APOB: variants seen among roughly 807,000 people sequenced by gnomAD.
APOB encodes the protein apolipoprotein B.
A neutral mutation model predicts 314.1 loss-of-function variants in APOB; 153 were observed. The observed-to-expected ratio is 0.49, with a 90% CI of 0.43 to 0.56. APOB has a LOEUF of 0.56. Ranked by LOEUF, APOB falls within the 20% of genes least tolerant of loss-of-function variation. APOB has a pLI of 0.00. For missense variants in APOB, 5,430 were observed against 5,350.7 expected, an observed-to-expected ratio of 1.01 and a Z score of -0.46; for synonymous variants, 2,087 against 2,036.4, an observed-to-expected ratio of 1.02 and a Z score of -0.67.
In APOB at chr2:21,011,140, G is replaced by A; in HGVS notation, c.5728C>T (p.His1910Tyr). The A allele has an allele frequency of 6.2e-7, 1 of 1,614,192 alleles. No homozygotes were observed. The highest frequency in any genetic ancestry group is 1.1e-5 in the South Asian group (1 of 91,088). Residue 1910 changes from histidine (H) to tyrosine (Y), a missense_variant, in exon 26 of 29, where the codon CAT becomes TAT. This residue lies in a region of APOB where 3,281 missense variants were observed against 3,171.0 expected (regional missense o/e 1.03). Transcript: ENST00000233242. ...MAPFTMTIDA[H>Y]TNGNGKLALW... ...GCGAGTTTCCCATTGCCATTTGTAT[G>A]TGCATCGATGGTCATGGTAAACGGG...
At chr2:21,020,323 C>T (rs1055900925) in intron 18 of APOB, among the ~76,000 whole-genome samples, 22 of 152,284 alleles carry the variant, frequency 1.4e-4, no homozygotes, top group East Asian at 3.9e-4. Flanking sequence ...GCATTAAGCA[C>T]GCTCAAGTCT....
rs767778053 is a variant in APOB at position 21,024,913 on chromosome 2, AGTG to A, written c.2436+17_2436+19del. 3.1e-6 allele frequency: 5 copies of A among 1,613,388 alleles called. No homozygotes were observed. The South Asian group carries it at 4.4e-5, about 14-fold the overall frequency. On this transcript the variant is annotated intron_variant, in intron 16 of 28. Transcript: ENST00000233242. ...CCAACGTCTGGTCTCATGGGCCCCC[AGTG>A]GGGCCTGCTGACTTACCATCTGGGG...
intron 4 of APOB, among the ~76,000 whole-genome samples, chr2:21,038,329 T>C (rs1367496742): frequency 1.3e-5 from 2 of 152,182 alleles, no homozygotes; most frequent in African/African-American, 4.8e-5. Flanking sequence ...TTTTTTTCTT[T>C]TTTTCTTTTT....
chr2:21,042,542 G>A lies in APOB; in HGVS notation c.122-66C>T, dbSNP rs931983717. 8.0e-5 allele frequency: 85 copies of A among 1,068,288 alleles called. No homozygotes were observed. The African/African-American group carries it at 1.2e-3, about 15-fold the overall frequency. The allele number at this position is 1,068,288 out of a possible 1,614,324, so 66.2% of individuals were successfully genotyped here. The stretch of plus-strand genomic sequence containing the variant: ...GCTCTCCCAAGGACAGCCAATTCTG[G>A]GCAGAGAGGGGCAGTGGCATAGAGA... On this transcript the variant is annotated intron_variant, in intron 2 of 28. Coordinates refer to ENST00000233242, the MANE Select transcript of APOB (RefSeq NM_000384.3).
At chr2:21,018,855 T>C in intron 20 of APOB, 137 bp downstream of exon 20, 2 of 1,267,766 alleles carry the variant, frequency 1.6e-6, no homozygotes, top group South Asian at 2.5e-5. Context: ...TTAACCCAGG[T>C]CTTAGAATAG....
In APOB at chr2:21,038,117, C is replaced by T. The variant is rs765294322; in HGVS notation, c.384-6G>A. On this transcript the variant is annotated splice_polypyrimidine_tract_variant and splice_region_variant and intron_variant, in intron 4 of 28. Coordinates refer to ENST00000233242, the MANE Select transcript of APOB (RefSeq NM_000384.3). ...TGGCCAGCTTGAGCTCATACCTGTC[C>T]CAGAGAGAGGATGGTCACGGAAATG... is the stretch of plus-strand genomic sequence containing the variant. 2 of 1,613,648 alleles carry T rather than the reference C, an allele frequency of 1.2e-6. No individual in the cohort carries two copies. Among genetic ancestry groups the T allele is most frequent in the East Asian group, 4.5e-5 (2 of 44,890 alleles).
Position 21,002,467 on chromosome 2 carries a change from C to A in APOB, c.12955G>T (p.Glu4319Ter). ...TTAATAAGATAAGTAAATTTCATCT[C>A]TTTCAGCTGTTTAATGTTATCTTCT... ...LIEDNIKQLK[E>*]MKFTYLINYI... Residue 4319 changes from glutamate (E) to a stop codon, truncating the protein, a stop_gained, in exon 29 of 29, where the codon GAG becomes TAG. Transcript: ENST00000233242. LOFTEE classifies it low-confidence loss of function (END_TRUNC). 6.2e-7 allele frequency: 1 copy of A among 1,608,872 alleles called. No homozygotes were observed. Among genetic ancestry groups the A allele is most frequent in the Non-Finnish European group, 8.5e-7 (1 of 1,176,410 alleles).
At chr2:21,037,682 T>G (rs1299306861) in intron 5 of APOB, among the ~76,000 whole-genome samples, 1 of 152,086 alleles carries the variant, frequency 6.6e-6, no homozygotes, top group East Asian at 1.9e-4. Context: ...CAAACACAGG[T>G]GAAGCATCAA....
chr2:21,019,677 T>A (rs1181947597), intron 19 of APOB, 46 bp downstream of exon 19: 14 of 1,586,072 alleles, frequency 8.8e-6, no homozygotes, highest in Non-Finnish European at 1.2e-5. Context: ...GTGGCCATGA[T>A]GTGGAAGGTG....
intron 18 of APOB, 25 bp from the exon 19 acceptor site, chr2:21,019,930 G>A (rs1366293384): frequency 6.2e-7 from 1 of 1,611,636 alleles, no homozygotes; most frequent in Admixed American, 1.7e-5. Flanking sequence ...AAATACCTGA[G>A]TTATTGCCAA....
intron 13 of APOB, 117 bp downstream of exon 13, chr2:21,028,210 C>T: frequency 3.5e-6 from 4 of 1,149,196 alleles, no homozygotes; most frequent in South Asian, 2.5e-5. Flanking sequence ...ATCTGCTACA[C>T]ATTTGCACAA....
At chr2:21,022,774 G>C in intron 18 of APOB, 57 bp downstream of exon 18, 1 of 1,556,858 alleles carries the variant, frequency 6.4e-7, no homozygotes, top group Non-Finnish European at 8.8e-7. Context: ...AATTCTGCAG[G>C]TACATTCTCT....
At chr2:21,035,823 A>C (rs1438524894) in intron 6 of APOB, 115 bp from the exon 7 acceptor site, 1 of 1,085,008 alleles carries the variant, frequency 9.2e-7, no homozygotes, top group Non-Finnish European at 1.4e-6. Context: ...AAACTCAGAG[A>C]AAGAAGATAA....
At chr2:21,041,104 A>G (rs1179787786) in intron 3 of APOB, 21 bp from the exon 4 acceptor site, 3 of 1,608,052 alleles carry the variant, frequency 1.9e-6, no homozygotes, top group South Asian at 2.2e-5. Context: ...AGGGTAGCAG[A>G]GCATTGAGGT....
Position 21,009,634 on chromosome 2 carries a change from A to G in APOB, c.7234T>C (p.Phe2412Leu). The change falls in exon 26 of 29, where the codon TTC (phenylalanine) becomes CTC (leucine). Residue 2412 changes from phenylalanine to leucine, a missense_variant. Phe to Leu is a conservative substitution (Grantham distance 22). Around this residue, in one of 3 missense-constraint regions of APOB, gnomAD observed 3,281 missense variants for 3,171.0 expected, o/e 1.03. Transcript: ENST00000233242. ...KKLNELSFKT[F>L]IEDVNKFLDM... is the part of the protein sequence containing the mutation. ...AGGAATTTGTTAACATCTTCAATGA[A>G]TGTTTTAAAAGATAATTCATTAAGC... is the stretch of plus-strand genomic sequence containing the variant. 3 of 1,613,784 alleles carry G rather than the reference A, an allele frequency of 1.9e-6. No homozygotes were observed. In the South Asian group the frequency reaches 3.3e-5, roughly 18 times the overall value.
Position 21,028,512 on chromosome 2 carries a change from G to T in APOB, c.1644C>A (p.Phe548Leu). Residue 548 changes from phenylalanine to leucine, a missense_variant, in exon 13 of 29, where the codon TTC becomes TTA. By Grantham distance (22) the Phe-to-Leu change is conservative. This residue lies in a region of APOB where 2,085 missense variants were observed against 2,079.7 expected (regional missense o/e 1.00). Transcript: ENST00000233242. ...DKDQEVLLQT[F>L]LDDASPGDKR... is the part of the protein sequence containing the mutation. ...TATCTCCCGGAGAAGCATCATCAAGGAAAGTCTGAAGAAGAACCTCCTGGT... is the reference window on the plus strand; with the variant it reads ...TATCTCCCGGAGAAGCATCATCAAGTAAAGTCTGAAGAAGAACCTCCTGGT... The T allele has an allele frequency of 6.2e-7, 1 of 1,613,260 alleles. No individual in the cohort carries two copies. Among genetic ancestry groups the T allele is most frequent in the African/African-American group, 1.3e-5 (1 of 75,048 alleles).
rs1220929422 is a variant in APOB, at chr2:21,027,957, T to C, written c.1938A>G (p.Pro646=). ...NYQLYKSVSL[P]SLDPASAKIE... is the part of the protein sequence containing the mutation. ...TTTTGGCTGAGGCTGGGTCAAGTGA[T>C]GGAAGAGAAACAGATTTGTAGAGTT... Residue 646 remains proline, a synonymous_variant, in exon 14 of 29, where the codon CCA becomes CCG. Coordinates refer to ENST00000233242, the MANE Select transcript of APOB (RefSeq NM_000384.3). The C allele has an allele frequency of 1.2e-6, 2 of 1,613,982 alleles. No individual in the cohort carries two copies. The highest frequency in any genetic ancestry group is 1.1e-5 in the South Asian group (1 of 91,076).
At position 21,006,059 on chromosome 2, in the gene APOB, A is replaced by G. The variant is rs377111721; in HGVS notation, c.10809T>C (p.His3603=). 1 of 1,613,946 alleles carries G rather than the reference A, an allele frequency of 6.2e-7. No homozygotes were observed. The highest frequency in any genetic ancestry group is 8.5e-7 in the Non-Finnish European group (1 of 1,179,976). Residue 3603 remains histidine, a synonymous_variant, in exon 26 of 29, where the codon CAT becomes CAC. Coordinates refer to ENST00000233242, the MANE Select transcript of APOB (RefSeq NM_000384.3). ...CATGGAAGGAACTGGGCTGACTTGC[A>G]TGGACCTGAACAAGAGCTGACATTT... The part of the protein sequence containing the change: ...PWQMSALVQV[H]ASQPSSFHDF...
chr2:21,009,315 T>C lies in APOB; in HGVS notation c.7553A>G (p.Asp2518Gly). ...MKAKFRETLEDTRDRMYQMDI... is the reference protein window; with the variant it reads ...MKAKFRETLEGTRDRMYQMDI... ...CATTTGATACATTCGGTCTCGTGTA[T>C]CTTCTAGGGTCTCTCGGAATTTGGC... Residue 2518 changes from aspartate (D) to glycine (G), a missense_variant, in exon 26 of 29, where the codon GAT becomes GGT. Asp to Gly is a moderately conservative substitution (Grantham distance 94, BLOSUM62 -1). Coordinates refer to ENST00000233242, the MANE Select transcript of APOB (RefSeq NM_000384.3). 1 of 1,614,130 alleles carries C rather than the reference T, an allele frequency of 6.2e-7. No homozygotes were observed. Among genetic ancestry groups the C allele is most frequent in the Non-Finnish European group, 8.5e-7 (1 of 1,179,982 alleles).
Sources: allele counts gnomAD v4.1 joint callset (sites outside exome capture counted in the v4.1 genomes callset), GRCh38; gene constraint gnomAD v4.1.1; regional missense constraint gnomAD v4.1.1; transcripts MANE v1.5; gene names NCBI Gene and HGNC (gene_info 2026-07-23, HGNC 2026-07-21).